Variants in PARD6G observed in about 807,000 individuals in gnomAD.
The protein encoded by PARD6G is partitioning defective 6 homolog gamma.
Under a neutral mutation model 10.7 loss-of-function variants are expected in PARD6G, and 7 were observed. That is an observed-to-expected ratio of 0.66 (90% CI 0.37 to 1.23). The LOEUF (loss-of-function observed/expected upper bound fraction) is 1.23, where lower values mean the gene tolerates loss of function less well. Among genes scored for constraint, PARD6G ranks in the 50% most tolerant of loss-of-function variants. The pLI is 0.02. For synonymous variants in PARD6G, 287 were observed against 269.4 expected, an observed-to-expected ratio of 1.07 and a Z score of -0.64; for missense variants, 548 against 571.8, an observed-to-expected ratio of 0.96 and a Z score of 0.42.
Position 80,184,756 on chromosome 18 carries a change from A to C in PARD6G, c.295+17954T>G, listed in dbSNP as rs1261756677. ...CCAGAACAGGGAAATGCAGAGCGAC[A>C]GAAAGCAGGTTAGAGGTTCCAGGGG... is the stretch of plus-strand genomic sequence containing the variant. On this transcript the variant is annotated intron_variant, in intron 2 of 2. Coordinates refer to ENST00000353265, the MANE Select transcript of PARD6G (RefSeq NM_032510.4). This position sits in a 1 kb window ranked among gnomAD's most constrained non-coding sequence, Gnocchi z 4.5. 6.6e-6 allele frequency: 1 copy of C among 151,380 alleles called. No homozygotes were observed. Among genetic ancestry groups the C allele is most frequent in the Non-Finnish European group, 1.5e-5 (1 of 67,852 alleles). 9.4% of individuals were successfully genotyped at this position (151,380 alleles called of 1,614,324 possible). A position where few individuals can be genotyped will look rare whatever the true frequency, so the allele number is the denominator to read the frequency against.
At chr18:80,234,122 G>A (rs1967391732) in intron 1 of PARD6G, among the ~76,000 whole-genome samples, 1 of 152,102 alleles carries the variant, frequency 6.6e-6, no homozygotes, top group African/African-American at 2.4e-5. Flanking sequence ...CACATGTCAA[G>A]TTCAGGCACG....
rs529276319 is a variant in PARD6G, at chr18:80,186,338, CAT to C, written c.295+16370_295+16371del. On this transcript the variant is annotated intron_variant, in intron 2 of 2. Coordinates refer to ENST00000353265, the MANE Select transcript of PARD6G (RefSeq NM_032510.4). The stretch of plus-strand genomic sequence containing the variant: ...ACCCTCACATGCTTGCACACCCTCA[CAT>C]GTGCATGCACCCTCACACATGCTCG... 7.6e-5 allele frequency among the ~76,000 whole-genome samples: 11 copies of C among 144,492 alleles called. No homozygotes were observed. The East Asian group carries it at 2.1e-3, about 28-fold the overall frequency. 94.8% of individuals were successfully genotyped at this position (144,492 alleles called of 152,430 possible).
intron 1 of PARD6G, among the ~76,000 whole-genome samples, chr18:80,240,345 C>T (rs966168909): frequency 2.6e-5 from 4 of 152,192 alleles, no homozygotes; most frequent in African/African-American, 9.7e-5. Flanking sequence ...TGTCCCTTTC[C>T]TCAAAAAGTA....
chr18:80,186,200 G>A (rs557096580), intron 2 of PARD6G, among the ~76,000 whole-genome samples: 3 of 131,802 alleles, frequency 2.3e-5, no homozygotes, highest in East Asian at 5.1e-4. Flanking sequence ...CCTCACACAC[G>A]CATATACCCT....
chr18:80,191,376 C>T (rs1966895096), intron 2 of PARD6G, among the ~76,000 whole-genome samples: 1 of 152,116 alleles, frequency 6.6e-6, no homozygotes, highest in African/African-American at 2.4e-5. Flanking sequence ...TTTTCCTCTG[C>T]TCTGTATGGT....
intron 1 of PARD6G, among the ~76,000 whole-genome samples, chr18:80,243,936 C>T (rs8089280): frequency 6.6e-6 from 1 of 151,974 alleles, no homozygotes; most frequent in East Asian, 1.9e-4. Flanking sequence ...CTGCTGGGAG[C>T]GGGGATGAGC....
At chr18:80,238,737 A>G (rs1967456228) in intron 1 of PARD6G, among the ~76,000 whole-genome samples, 2 of 151,848 alleles carry the variant, frequency 1.3e-5, no homozygotes, top group African/African-American at 2.4e-5. Context: ...TCGTTGGGCT[A>G]AGGGGGTCTG....
intron 2 of PARD6G, among the ~76,000 whole-genome samples, chr18:80,195,761 G>C (rs1403700028): frequency 6.6e-6 from 1 of 150,728 alleles, no homozygotes; most frequent in Non-Finnish European, 1.5e-5. Flanking sequence ...TGTAGTCCCA[G>C]CTACTCAGGA....
chr18:80,218,884 T>C (rs368812228), intron 1 of PARD6G, among the ~76,000 whole-genome samples: 8 of 152,312 alleles, frequency 5.3e-5, no homozygotes, highest in South Asian at 4.1e-4. Flanking sequence ...CAATACCACA[T>C]GGAAGCTGCC....
rs556787849 is a variant in PARD6G, at chr18:80,192,900, T to G, written c.295+9810A>C. ...GGAGAGGTGTCTGCAGGGGAGCTGC[T>G]TGGCAGCAACTTCTGGTGGATGAAG... is the stretch of plus-strand genomic sequence containing the variant. On this transcript the variant is annotated intron_variant, in intron 2 of 2. Coordinates refer to ENST00000353265, the MANE Select transcript of PARD6G (RefSeq NM_032510.4). The surrounding 1 kb of genome is among the most constrained non-coding windows in gnomAD (Gnocchi z 4.9). Among the ~76,000 whole-genome samples, 1 of 152,224 alleles carries G rather than the reference T, an allele frequency of 6.6e-6. No homozygotes were observed. The highest frequency in any genetic ancestry group is 1.9e-4 in the East Asian group (1 of 5,164).
chr18:80,232,505 A>G (rs764958667), intron 1 of PARD6G, among the ~76,000 whole-genome samples: 41 of 152,274 alleles, frequency 2.7e-4, no homozygotes, highest in Non-Finnish European at 4.9e-4. Flanking sequence ...GGCAGCAAGA[A>G]AAAAATGAGG....
In PARD6G at chr18:80,160,172, T is replaced by C. The variant is rs1281152603; in HGVS notation, c.730A>G (p.Ile244Val). ...TGGTTGGCGGGCTTGACGGTGACGA[T>C]GAGGTTGTGGCTGTTGGCGATCATC... ...DMMIANSHNL[I>V]VTVKPANQRN... The change falls in exon 3 of 3, where the codon ATC (isoleucine) becomes GTC (valine). Residue 244 changes from isoleucine (I) to valine (V), a missense_variant. Physicochemically the swap from Ile to Val is conservative, Grantham distance 29. Transcript: ENST00000353265. 4.3e-6 allele frequency: 7 copies of C among 1,613,258 alleles called. No homozygotes were observed. Among genetic ancestry groups the C allele is most frequent in the Non-Finnish European group, 5.9e-6 (7 of 1,179,774 alleles).
At chr18:80,234,557 A>G (rs1225463249) in intron 1 of PARD6G, among the ~76,000 whole-genome samples, 1 of 152,086 alleles carries the variant, frequency 6.6e-6, no homozygotes, top group Non-Finnish European at 1.5e-5. Context: ...CCCAATGCTG[A>G]GTCATAGGTA....
intron 1 of PARD6G, among the ~76,000 whole-genome samples, chr18:80,235,076 C>T (rs1170738052): frequency 2.6e-5 from 4 of 152,220 alleles, no homozygotes; most frequent in Non-Finnish European, 4.4e-5. Context: ...CACCACACCA[C>T]ACCTATTCCA....
At position 80,201,099 on chromosome 18, in the gene PARD6G, T is replaced by C. The variant is rs977482612; in HGVS notation, c.295+1611A>G. ...GGAACACACCCCCACCCTACGCTCC[T>C]GGTCGGGTGGAGACAGACGGCAAAC... On this transcript the variant is annotated intron_variant, in intron 2 of 2. Coordinates refer to ENST00000353265, the MANE Select transcript of PARD6G (RefSeq NM_032510.4). The surrounding 1 kb of genome is among the most constrained non-coding windows in gnomAD (Gnocchi z 5.9). Among the ~76,000 whole-genome samples, 31 of 152,010 alleles carry C rather than the reference T, an allele frequency of 2.0e-4. No individual in the cohort carries two copies. Among genetic ancestry groups the C allele is most frequent in the Non-Finnish European group, 2.9e-5 (2 of 67,996 alleles).
chr18:80,219,732 C>T (rs1479290640), intron 1 of PARD6G, among the ~76,000 whole-genome samples: 1 of 152,266 alleles, frequency 6.6e-6, no homozygotes, highest in African/African-American at 2.4e-5. Context: ...TCCTAATCTC[C>T]ATCTGAGACC....
intron 2 of PARD6G, among the ~76,000 whole-genome samples, chr18:80,177,432 C>A (rs576164620): frequency 6.7e-6 from 1 of 149,454 alleles, no homozygotes; most frequent in African/African-American, 2.5e-5. Context: ...CAAACACGCA[C>A]ACACAGGATA....
chr18:80,219,131 G>A lies in PARD6G; in HGVS notation c.73-16199C>T, dbSNP rs576195179. On this transcript the variant is annotated intron_variant, in intron 1 of 2. Transcript: ENST00000353265. The stretch of plus-strand genomic sequence containing the variant: ...TGGAGACATTTTCCCCATTGTCTTG[G>A]TGATTAACATTCGGCTCCTTGTTGC... 1.6e-3 allele frequency among the ~76,000 whole-genome samples: 250 copies of A among 152,366 alleles called. 1 individual carries two copies. The highest frequency in any genetic ancestry group is 2.3e-3 in the Non-Finnish European group (155 of 68,038).
intron 1 of PARD6G, among the ~76,000 whole-genome samples, chr18:80,203,409 T>C (rs1264595519): frequency 6.6e-6 from 1 of 152,094 alleles, no homozygotes; most frequent in Non-Finnish European, 1.5e-5. Flanking sequence ...TTAAAAGCAG[T>C]AGTGACTCAG....
Sources: gnomAD v4.1 joint callset for allele counts (sites outside exome capture counted in the v4.1 genomes callset) on GRCh38, gnomAD v4.1.1 for gene constraint, Gnocchi (gnomAD v3.1) non-coding constraint, MANE v1.5 for transcripts, NCBI Gene and HGNC (gene_info 2026-07-23, HGNC 2026-07-21) for gene names.